SIGLEC11: variants seen among roughly 807,000 people sequenced by gnomAD.
The protein encoded by SIGLEC11 is sialic acid binding Ig like lectin 11, also known as sialic acid-binding Ig-like lectin 11.
In SIGLEC11, 47 loss-of-function variants were observed where a neutral mutation model predicts 61.2. The ratio of observed to expected loss-of-function variants is 0.77; its 90% CI spans 0.61 to 0.98. The LOEUF (loss-of-function observed/expected upper bound fraction) is 0.98, where lower values mean the gene tolerates loss of function less well. SIGLEC11 is among the 50% of genes least tolerant of loss of function. The pLI, the probability that SIGLEC11 is intolerant of heterozygous loss-of-function variation, is 0.00. For missense variants in SIGLEC11, 610 were observed against 870.3 expected, an observed-to-expected ratio of 0.70 and a Z score of 3.76; for synonymous variants, 278 against 373.1, an observed-to-expected ratio of 0.75 and a Z score of 2.94.
At position 49,958,302 on chromosome 19, in the gene SIGLEC11, A is replaced by G. The variant is rs763126725; in HGVS notation, c.1632T>C (p.Ser544=). 6.2e-6 allele frequency: 10 copies of G among 1,614,120 alleles called. No homozygotes were observed. The South Asian group carries it at 1.1e-4, about 18-fold the overall frequency. ...CCTCACCTGGTAGCAGCTGGAAGAC[A>G]GAGCCACTCTGGGCCCCGTGGACGT... The part of the protein sequence containing the change: ...AWNVHGAQSG[S]VFQLLPGKLE... The change falls in exon 8 of 11, where the codon TCT becomes TCC. Residue 544 remains serine (S), a synonymous_variant. Transcript: ENST00000447370.
At chr19:49,958,171 T>A in intron 8 of SIGLEC11, 112 bp downstream of exon 8, 3 of 1,481,558 alleles carry the variant, frequency 2.0e-6, no homozygotes, top group Non-Finnish European at 2.8e-6. Flanking sequence ...AGGGACTTTG[T>A]CCCCATCCCT....
At chr19:49,952,248 A>T (rs1414275889) in intron 9 of SIGLEC11, 50 bp downstream of exon 9, 4 of 1,567,760 alleles carry the variant, frequency 2.6e-6, no homozygotes, top group Non-Finnish European at 3.5e-6. Flanking sequence ...CTGGGATTCT[A>T]GAACCCTCAC....
At position 49,959,047 on chromosome 19, in the gene SIGLEC11, G is replaced by T. The variant is rs1472346072; in HGVS notation, c.1088C>A (p.Ser363Tyr). The T allele has an allele frequency of 6.2e-7, 1 of 1,613,894 alleles. No individual in the cohort carries two copies. Among genetic ancestry groups the T allele is most frequent in the Non-Finnish European group, 8.5e-7 (1 of 1,179,820 alleles). The part of the protein sequence containing the change: ...YPPENLRVMV[S>Y]QANRTVLENL... ...TTTCCTACCTGTCCTGTTTGCTTGG[G>T]AAACCATCACTCTCAGGTTCTCTGG... is the stretch of plus-strand genomic sequence containing the variant. The change falls in exon 6 of 11, where the codon TCC becomes TAC. Residue 363 changes from serine (S) to tyrosine (Y), a missense_variant. Ser to Tyr is a moderately radical substitution (Grantham distance 144). Coordinates refer to ENST00000447370, the MANE Select transcript of SIGLEC11 (RefSeq NM_052884.3).
In SIGLEC11 at chr19:49,949,839, C is replaced by A; in HGVS notation, c.*131G>T. On this transcript the variant is annotated 3_prime_UTR_variant, in exon 11 of 11. Transcript: ENST00000447370. ...CCTGGAGGACAGAGTCAGACCCTGTCTCAAAAAAAGTATAATCTTCAAACT... is the reference window on the plus strand; with the variant it reads ...CCTGGAGGACAGAGTCAGACCCTGTATCAAAAAAAGTATAATCTTCAAACT... 1 of 1,029,098 alleles carries A rather than the reference C, an allele frequency of 9.7e-7. No individual in the cohort carries two copies. Among genetic ancestry groups the A allele is most frequent in the Non-Finnish European group, 1.3e-6 (1 of 787,470 alleles). 63.7% of individuals were successfully genotyped at this position (1,029,098 alleles called of 1,614,324 possible). A position where few individuals can be genotyped will look rare whatever the true frequency, so the allele number is the denominator to read the frequency against.
At chr19:49,956,790 C>G (rs923379302) in intron 8 of SIGLEC11, among the ~76,000 whole-genome samples, 1 of 151,932 alleles carries the variant, frequency 6.6e-6, no homozygotes, top group African/African-American at 2.4e-5. Flanking sequence ...ACTAATAAAA[C>G]AGCAAATGCA....
chr19:49,958,997 G>A (rs781660498), intron 6 of SIGLEC11, 33 bp downstream of exon 6: 3 of 1,613,478 alleles, frequency 1.9e-6, no homozygotes, highest in African/African-American at 2.7e-5. Context: ...GTTTGGCACT[G>A]AGAGGCCCTG....
chr19:49,954,854 G>A (rs1240820462), intron 8 of SIGLEC11, among the ~76,000 whole-genome samples: 2 of 152,164 alleles, frequency 1.3e-5, no homozygotes, highest in African/African-American at 4.8e-5. Flanking sequence ...CTGGAACCCA[G>A]AGGATGCAAC....
chr19:49,958,596 G>A, intron 7 of SIGLEC11, 26 bp from the exon 8 acceptor site: 1 of 1,567,304 alleles, frequency 6.4e-7, no homozygotes, highest in Non-Finnish European at 8.6e-7. Flanking sequence ...ACAGGACTCA[G>A]CAGGGGCCCC....
rs1250886516 is a variant in SIGLEC11 at position 49,949,980 on chromosome 19, A to G, written c.2087T>C (p.Val696Ala). 6.8e-7 allele frequency: 1 copy of G among 1,471,840 alleles called. No individual in the cohort carries two copies. Among genetic ancestry groups the G allele is most frequent in the Non-Finnish European group, 9.0e-7 (1 of 1,106,140 alleles). 91.2% of individuals were successfully genotyped at this position (1,471,840 alleles called of 1,614,324 possible). A position where few individuals can be genotyped will look rare whatever the true frequency, so the allele number is the denominator to read the frequency against. The change falls in exon 11 of 11, where the codon GTT becomes GCT. Residue 696 changes from valine (V) to alanine (A), a missense_variant. By Grantham distance (64) the Val-to-Ala change is moderately conservative. Transcript: ENST00000447370. ...LQLEREMSGMVPK is the reference protein window; with the variant it reads ...LQLEREMSGMAPK ...GCCATGGAGACCTCTTCACTTTGGA[A>G]CCATCCCTGACATCTCCCTCTCCAA...
rs547955989 is a variant in SIGLEC11, at chr19:49,949,992, A to C, written c.2075T>G (p.Met692Arg). The change falls in exon 11 of 11, where the codon ATG becomes AGG. Residue 692 changes from methionine (M) to arginine (R), a missense_variant. Met to Arg is a moderately conservative substitution (Grantham distance 91, BLOSUM62 -1). Around this residue, in one of 6 missense-constraint regions of SIGLEC11, gnomAD observed 432 missense variants for 441.5 expected, o/e 0.98. Transcript: ENST00000447370. The part of the protein sequence containing the change: ...PGFGLQLERE[M>R]SGMVPK Reference sequence around the variant, plus strand: ...TCTTCACTTTGGAACCATCCCTGACATCTCCCTCTCCAATTGAAGCCCAAA... The same window carrying C: ...TCTTCACTTTGGAACCATCCCTGACCTCTCCCTCTCCAATTGAAGCCCAAA... 1.3e-6 allele frequency: 2 copies of C among 1,497,218 alleles called. No individual in the cohort carries two copies. The highest frequency in any genetic ancestry group is 2.8e-5 in the South Asian group (2 of 72,332). The allele number at this position is 1,497,218 out of a possible 1,614,324, so 92.7% of individuals were successfully genotyped here.
At chr19:49,956,183 C>T (rs529344886) in intron 8 of SIGLEC11, among the ~76,000 whole-genome samples, 1 of 152,238 alleles carries the variant, frequency 6.6e-6, no homozygotes, top group African/African-American at 2.4e-5. Flanking sequence ...GAACCGACGC[C>T]CACAAGTTCA....
chr19:49,953,114 G>A (rs1434881771), intron 8 of SIGLEC11, among the ~76,000 whole-genome samples: 1 of 152,196 alleles, frequency 6.6e-6, no homozygotes, highest in African/African-American at 2.4e-5. Flanking sequence ...GGGGGCTGGA[G>A]CCCCGGGCCT....
intron 8 of SIGLEC11, among the ~76,000 whole-genome samples, chr19:49,957,262 T>C (rs976704134): frequency 6.6e-6 from 1 of 152,098 alleles, no homozygotes; most frequent in Non-Finnish European, 1.5e-5. Flanking sequence ...CAGAATTAAG[T>C]AATAGTAATG....
chr19:49,950,219 G>T lies in SIGLEC11; in HGVS notation c.1848C>A (p.Cys616Ter). 6.3e-7 allele frequency: 1 copy of T among 1,591,658 alleles called. No homozygotes were observed. ...GGTGGTCTTGGGAGCTGCCTGCCGA[G>T]CATTCATGCTGGTGACCCTGAATGC... is the stretch of plus-strand genomic sequence containing the variant. ...GPISQGHQHECSAGSSQDHPP... is the reference protein window; with the variant it reads ...GPISQGHQHE The change falls in exon 11 of 11, where the codon TGC (cysteine) becomes TGA (stop). Residue 616 changes from cysteine (C) to a stop codon, truncating the protein, a stop_gained. Transcript: ENST00000447370. LOFTEE classifies it low-confidence loss of function (END_TRUNC).
chr19:49,954,673 A>C (rs2076183647), intron 8 of SIGLEC11, among the ~76,000 whole-genome samples: 1 of 152,204 alleles, frequency 6.6e-6, no homozygotes, highest in Non-Finnish European at 1.5e-5. Context: ...TCTTTCTGAC[A>C]CACAGTCCAA....
Position 49,955,633 on chromosome 19 carries a change from C to T in SIGLEC11, c.1651+2650G>A, listed in dbSNP as rs138027958. On this transcript the variant is annotated intron_variant, in intron 8 of 10. Coordinates refer to ENST00000447370, the MANE Select transcript of SIGLEC11 (RefSeq NM_052884.3). This position sits in a 1 kb window ranked among gnomAD's most constrained non-coding sequence, Gnocchi z 4.5. ...AGGCCAATCTGTTGGCAGCAGCCCT[C>T]ATAAAAAGAAAAATTAGCAGGCCGG... Among the ~76,000 whole-genome samples, 175 of 152,214 alleles carry T rather than the reference C, an allele frequency of 1.1e-3. No homozygotes were observed. Among genetic ancestry groups the T allele is most frequent in the African/African-American group, 4.0e-3 (168 of 41,538 alleles).
Position 49,952,337 on chromosome 19 carries a change from GCGA to G in SIGLEC11, c.1706_1708del (p.Val569del), listed in dbSNP as rs750081851. The stretch of plus-strand genomic sequence containing the variant: ...GCAGGAACAGAAAGCGAGCAGGGCA[GCGA>G]CGCCAGCTCCCAGGGCAGCCCCCAG... On this transcript the variant is annotated inframe_deletion, in exon 9 of 11. Transcript: ENST00000447370. 8.1e-6 allele frequency: 13 copies of G among 1,611,308 alleles called. No homozygotes were observed. Among genetic ancestry groups the G allele is most frequent in the Non-Finnish European group, 8.5e-6 (10 of 1,179,994 alleles).
At position 49,958,790 on chromosome 19, in the gene SIGLEC11, A is replaced by G; in HGVS notation, c.1216T>C (p.Trp406Arg). 1 of 1,612,962 alleles carries G rather than the reference A, an allele frequency of 6.2e-7. No individual in the cohort carries two copies. The part of the protein sequence containing the change: ...SPPARLSWTR[W>R]GQTVGPSQPS... ...TGGGAGGGGCCCACGGTCTGTCCCCACCGGGTCCAGCTCAGCCTGGCTGGG... is the reference window on the plus strand; with the variant it reads ...TGGGAGGGGCCCACGGTCTGTCCCCGCCGGGTCCAGCTCAGCCTGGCTGGG... Residue 406 changes from tryptophan (W) to arginine (R), a missense_variant, in exon 7 of 11, where the codon TGG becomes CGG. Trp to Arg is a moderately radical substitution (Grantham distance 101). Around this residue, in one of 6 missense-constraint regions of SIGLEC11, gnomAD observed 432 missense variants for 441.5 expected, o/e 0.98. Coordinates refer to ENST00000447370, the MANE Select transcript of SIGLEC11 (RefSeq NM_052884.3).
At position 49,949,532 on chromosome 19, in the gene SIGLEC11, C is replaced by G. The variant is rs534089288; in HGVS notation, c.*438G>C. On this transcript the variant is annotated 3_prime_UTR_variant, in exon 11 of 11. Transcript: ENST00000447370. ...GATGCCTCAAAGTGTCATCTTCAAA[C>G]TCGCTCTGAATTGAAAGTATAATCT... is the stretch of plus-strand genomic sequence containing the variant. 1 of 152,622 alleles carries G rather than the reference C, an allele frequency of 6.6e-6. No homozygotes were observed. Among genetic ancestry groups the G allele is most frequent in the South Asian group, 2.1e-4 (1 of 4,822 alleles). The allele number at this position is 152,622 out of a possible 1,614,324, so 9.5% of individuals were successfully genotyped here.
Sources: gnomAD v4.1 joint callset for allele counts (sites outside exome capture counted in the v4.1 genomes callset) on GRCh38, gnomAD v4.1.1 for gene constraint, gnomAD v4.1.1 regional missense constraint, Gnocchi (gnomAD v3.1) non-coding constraint, MANE v1.5 for transcripts, NCBI Gene and HGNC (gene_info 2026-07-23, HGNC 2026-07-21) for gene names.